SPOCK3: variants seen among roughly 807,000 people sequenced by gnomAD.
SPOCK3 encodes SPARC (osteonectin), cwcv and kazal like domains proteoglycan 3.
SPOCK3 carries 30 observed loss-of-function variants against 56.6 expected under a neutral mutation model. The observed-to-expected ratio is 0.53, with a 90% CI of 0.40 to 0.72. SPOCK3 has a LOEUF of 0.72. SPOCK3 is among the 30% of genes least tolerant of loss of function. The probability of loss-of-function intolerance (pLI) is 0.00; values close to 1 mark genes in which losing one functional copy is unlikely to be tolerated. For missense variants in SPOCK3, 527 were observed against 530.0 expected, an observed-to-expected ratio of 0.99 and a Z score of 0.06; for synonymous variants, 196 against 183.3, an observed-to-expected ratio of 1.07 and a Z score of -0.56.
At chr4:166,917,618 A>G (rs1328021396) in intron 4 of SPOCK3, among the ~76,000 whole-genome samples, 1 of 152,166 alleles carries the variant, frequency 6.6e-6, no homozygotes, top group Non-Finnish European at 1.5e-5. Flanking sequence ...ATACAGGGTC[A>G]CTGTCACTCA....
At chr4:166,877,823 CAG>C (rs1461875470) in intron 6 of SPOCK3, among the ~76,000 whole-genome samples, 3 of 151,998 alleles carry the variant, frequency 2.0e-5, no homozygotes, top group Admixed American at 1.3e-4. Flanking sequence ...ATAGTAGAAA[CAG>C]TAATAATTTT....
chr4:167,003,643 T>C (rs1210601906), intron 3 of SPOCK3, among the ~76,000 whole-genome samples: 1 of 152,198 alleles, frequency 6.6e-6, no homozygotes, highest in Non-Finnish European at 1.5e-5. Flanking sequence ...CATGATTGTA[T>C]TTAGTTTTCT....
intron 3 of SPOCK3, among the ~76,000 whole-genome samples, chr4:167,008,623 T>C (rs544865930): frequency 1.3e-5 from 2 of 152,270 alleles, no homozygotes; most frequent in South Asian, 4.1e-4. Flanking sequence ...TTTTGTAAAA[T>C]GTAGTACATG....
chr4:167,165,356 A>C (rs1165209867), intron 2 of SPOCK3, among the ~76,000 whole-genome samples: 3 of 152,124 alleles, frequency 2.0e-5, no homozygotes, highest in Non-Finnish European at 4.4e-5. Context: ...ATCTTAAATA[A>C]ATGTACAAGA....
At chr4:166,773,895 A>G (rs1302921775) in intron 7 of SPOCK3, among the ~76,000 whole-genome samples, 2 of 152,296 alleles carry the variant, frequency 1.3e-5, no homozygotes, top group East Asian at 3.9e-4. Context: ...GATATAATCT[A>G]AAACCACTCT....
intron 6 of SPOCK3, among the ~76,000 whole-genome samples, chr4:166,883,935 T>A (rs945069814): frequency 6.6e-6 from 1 of 152,200 alleles, no homozygotes; most frequent in Admixed American, 6.5e-5. Context: ...TTCACTATTA[T>A]CTTTCCTGAT....
intron 8 of SPOCK3, among the ~76,000 whole-genome samples, chr4:166,752,089 T>A (rs1300124461): frequency 6.6e-6 from 1 of 151,990 alleles, no homozygotes; most frequent in African/African-American, 2.4e-5. Flanking sequence ...CAGGCTGGAG[T>A]GTAGAGGTGC....
chr4:166,837,897 T>C (rs1401370216), intron 6 of SPOCK3, among the ~76,000 whole-genome samples: 1 of 152,290 alleles, frequency 6.6e-6, no homozygotes, highest in East Asian at 1.9e-4. Flanking sequence ...CATCTGAAAA[T>C]GTTTTGATGT....
At chr4:166,834,027 G>A (rs909440603) in intron 6 of SPOCK3, among the ~76,000 whole-genome samples, 1 of 152,092 alleles carries the variant, frequency 6.6e-6, no homozygotes, top group Non-Finnish European at 1.5e-5. Context: ...GAGCAAAAAC[G>A]TTTTCCTTCT....
chr4:166,785,027 T>A (rs1560854244), intron 7 of SPOCK3, among the ~76,000 whole-genome samples: 2 of 152,048 alleles, frequency 1.3e-5, no homozygotes, highest in Non-Finnish European at 1.5e-5. Flanking sequence ...GAGATTTAAA[T>A]AATAAAATAA....
intron 4 of SPOCK3, among the ~76,000 whole-genome samples, chr4:166,924,704 G>A (rs1463526593): frequency 6.6e-6 from 1 of 152,180 alleles, no homozygotes; most frequent in Non-Finnish European, 1.5e-5. Flanking sequence ...GGAATGGCTA[G>A]GCTGAAGAAA....
chr4:167,132,056 A>G (rs1339795949), intron 2 of SPOCK3, among the ~76,000 whole-genome samples: 1 of 152,206 alleles, frequency 6.6e-6, no homozygotes, highest in Non-Finnish European at 1.5e-5. Flanking sequence ...ACCAACACCA[A>G]TAAATAATCA....
intron 2 of SPOCK3, 44 bp from the exon 3 acceptor site, chr4:167,062,581 A>G: frequency 6.9e-7 from 1 of 1,442,552 alleles, no homozygotes; most frequent in Non-Finnish European, 9.6e-7. Context: ...CAAGTAATTA[A>G]AACGCAAGGG....
intron 6 of SPOCK3, among the ~76,000 whole-genome samples, chr4:166,850,401 A>G (rs185248690): frequency 6.6e-6 from 1 of 152,336 alleles, no homozygotes; most frequent in Admixed American, 6.5e-5. Flanking sequence ...TTGTGATATA[A>G]TAGGGTTCTG....
intron 4 of SPOCK3, among the ~76,000 whole-genome samples, chr4:166,973,946 C>A (rs1470176545): frequency 6.6e-6 from 1 of 152,046 alleles, no homozygotes; most frequent in Non-Finnish European, 1.5e-5. Context: ...TTGGCTATGG[C>A]TAAGATATGT....
intron 4 of SPOCK3, among the ~76,000 whole-genome samples, chr4:166,938,003 C>T (rs2150009950): frequency 6.7e-6 from 1 of 149,126 alleles, no homozygotes; most frequent in East Asian, 2.0e-4. Flanking sequence ...AGCTCTCAAT[C>T]TCCTGACCAC....
Position 167,080,264 on chromosome 4 carries a change from T to C in SPOCK3, c.190-17727A>G, listed in dbSNP as rs1238321946. Among the ~76,000 whole-genome samples the C allele has an allele frequency of 2.0e-5, 3 of 152,108 alleles. No homozygotes were observed. In the East Asian group the frequency reaches 5.8e-4, roughly 29 times the overall value. ...TCTGACTTATGTTCTGTTGCACTAG[T>C]GGCTGAGGAAGTGAGAAGGCATAAG... On this transcript the variant is annotated intron_variant, in intron 2 of 10. Coordinates refer to ENST00000357545, the MANE Select transcript of SPOCK3 (RefSeq NM_001040159.2).
intron 2 of SPOCK3, among the ~76,000 whole-genome samples, chr4:167,196,040 C>A (rs548873209): frequency 2.0e-5 from 3 of 152,194 alleles, no homozygotes; most frequent in African/African-American, 7.2e-5. Context: ...TCTATCAGTT[C>A]TTTTGTAATG....
At chr4:166,833,654 CT>C (rs1560907668) in intron 6 of SPOCK3, among the ~76,000 whole-genome samples, 1 of 152,168 alleles carries the variant, frequency 6.6e-6, no homozygotes. Flanking sequence ...ATTCCCCATT[CT>C]TTTTTGCCTC....
Sources: allele counts gnomAD v4.1 joint callset (sites outside exome capture counted in the v4.1 genomes callset), GRCh38; gene constraint gnomAD v4.1.1; transcripts MANE v1.5; gene names NCBI Gene and HGNC (gene_info 2026-07-23, HGNC 2026-07-21).